The following HS6ST2 variants were observed in gnomAD, a reference collection of about 807,000 sequenced individuals.
The protein encoded by HS6ST2 is heparan sulfate 6-O-sulfotransferase 2.
Under a neutral mutation model 33.0 loss-of-function variants are expected in HS6ST2, and 17 were observed. The ratio of observed to expected loss-of-function variants is 0.52; its 90% CI spans 0.35 to 0.77. The LOEUF is 0.77. Among genes scored for constraint, HS6ST2 ranks in the 30% least tolerant of loss-of-function variants. HS6ST2 has a pLI of 0.01. For missense variants in HS6ST2, 519 were observed against 551.7 expected (o/e 0.94, Z 0.59); for synonymous variants, 248 against 237.1 (o/e 1.05, Z -0.42).
chrX:132,707,421 A>C (rs901144918), intron 3 of HS6ST2, among the ~76,000 whole-genome samples: 6 of 112,660 alleles, frequency 5.3e-5, no homozygotes, highest in African/African-American at 1.6e-4. Flanking sequence ...TACTATTCTC[A>C]GCTGTCAAGT....
At chrX:132,823,202 G>A (rs2065477341) in intron 2 of HS6ST2, among the ~76,000 whole-genome samples, 1 of 112,103 alleles carries the variant, frequency 8.9e-6, no homozygotes, top group Admixed American at 9.4e-5. Context: ...AAATCTCATG[G>A]GGACTAACCT....
At chrX:132,860,119 G>A (rs750737599) in intron 2 of HS6ST2, among the ~76,000 whole-genome samples, 5 of 111,811 alleles carry the variant, frequency 4.5e-5, no homozygotes, top group East Asian at 5.7e-4. Context: ...TGGGGGACAC[G>A]GTGGGTAATT....
intron 2 of HS6ST2, among the ~76,000 whole-genome samples, chrX:132,777,547 C>T (rs2064974294): frequency 9.1e-6 from 1 of 109,468 alleles, no homozygotes; most frequent in Non-Finnish European, 1.9e-5. Flanking sequence ...TCTCCTGCCT[C>T]AGCCTCCCGA....
At chrX:132,798,519 C>T (rs2148350824) in intron 2 of HS6ST2, among the ~76,000 whole-genome samples, 1 of 111,637 alleles carries the variant, frequency 9.0e-6, no homozygotes, top group East Asian at 2.8e-4. Context: ...ATTCAGGCTT[C>T]ACAGCACACT....
chrX:132,787,242 T>C (rs1241757682), intron 2 of HS6ST2, among the ~76,000 whole-genome samples: 1 of 88,197 alleles, frequency 1.1e-5, no homozygotes, highest in Non-Finnish European at 2.1e-5. Context: ...TATATATACA[T>C]ATATGTATAT....
chrX:132,887,622 A>G (rs1007546322), intron 2 of HS6ST2, among the ~76,000 whole-genome samples: 15 of 112,300 alleles, frequency 1.3e-4, no homozygotes, highest in Admixed American at 4.7e-4. Context: ...CACACTTACC[A>G]TATAACCCAG....
chrX:132,682,047 T>C (rs759997383), intron 3 of HS6ST2, among the ~76,000 whole-genome samples: 1 of 112,221 alleles, frequency 8.9e-6, no homozygotes, highest in Non-Finnish European at 1.9e-5. Context: ...CAGAGAATGT[T>C]CTCAGTACTG....
rs149005381 is a variant in HS6ST2, at chrX:132,777,743, G to A, written c.948-69249C>T. Among the ~76,000 whole-genome samples the A allele has an allele frequency of 7.3e-3, 806 of 110,233 alleles. 7 individuals are homozygous for A. The highest frequency in any genetic ancestry group is 0.025 in the African/African-American group (753 of 30,236). On this transcript the variant is annotated intron_variant, in intron 2 of 4. Coordinates refer to ENST00000370833, the MANE Select transcript of HS6ST2 (RefSeq NM_001394073.1). ...ATTACAGGCCTGAGCCACCACACCC[G>A]GCCTAAATATCACTTTTAAAGAATG...
intron 2 of HS6ST2, among the ~76,000 whole-genome samples, chrX:132,722,884 C>CAAAAAAAAAAAAAAAAAAA (rs144182974): frequency 2.4e-5 from 2 of 82,278 alleles, no homozygotes; most frequent in African/African-American, 4.3e-5. Context: ...AATAAAAAAA[C>CAAAAAAAAAAAAAAAAAAA]AAAAAAAAAA....
chrX:132,707,406 A>G (rs944677846), intron 3 of HS6ST2, among the ~76,000 whole-genome samples: 2 of 112,709 alleles, frequency 1.8e-5, no homozygotes, highest in Non-Finnish European at 3.7e-5. Context: ...ATTAAACACT[A>G]AATTTACTAT....
chrX:132,916,820 CAA>C (rs1354207848), intron 2 of HS6ST2, among the ~76,000 whole-genome samples: 1 of 111,676 alleles, frequency 9.0e-6, no homozygotes, highest in Non-Finnish European at 1.9e-5. Context: ...TTGTGGGACT[CAA>C]ACTGAGCCAC....
At chrX:132,932,726 A>G (rs1235143033) in intron 2 of HS6ST2, among the ~76,000 whole-genome samples, 1 of 109,816 alleles carries the variant, frequency 9.1e-6, no homozygotes, top group East Asian at 2.8e-4. Flanking sequence ...TGTTGAAACT[A>G]ATGAAAACCA....
At chrX:132,751,037 A>G (rs985400725) in intron 2 of HS6ST2, among the ~76,000 whole-genome samples, 2 of 112,228 alleles carry the variant, frequency 1.8e-5, no homozygotes, top group Non-Finnish European at 3.8e-5. Context: ...AATCATAGAC[A>G]CATGTGGTCC....
At chrX:132,889,781 T>C (rs2066289259) in intron 2 of HS6ST2, among the ~76,000 whole-genome samples, 1 of 111,367 alleles carries the variant, frequency 9.0e-6, no homozygotes, top group African/African-American at 3.3e-5. Flanking sequence ...GCCACCATCA[T>C]TCTTTACAGA....
chrX:132,732,907 A>G (rs2064473869), intron 2 of HS6ST2, among the ~76,000 whole-genome samples: 1 of 111,954 alleles, frequency 8.9e-6, no homozygotes, highest in Non-Finnish European at 1.9e-5. Context: ...TTACATTTAA[A>G]GAGATCTCTG....
chrX:132,792,035 A>T (rs1314231138), intron 2 of HS6ST2, among the ~76,000 whole-genome samples: 2 of 112,524 alleles, frequency 1.8e-5, no homozygotes, highest in Non-Finnish European at 3.7e-5. Context: ...ATTACTTTGT[A>T]GCAGCTCCTT....
In HS6ST2 at chrX:132,865,413, T is replaced by C. The variant is rs776400061; in HGVS notation, c.947+91395A>G. ...CTGGGTTGGTTCCAAGTCTTTGCTA[T>C]TGTGAATAATGCCGCAATAAACATA... is the stretch of plus-strand genomic sequence containing the variant. On this transcript the variant is annotated intron_variant, in intron 2 of 4. Coordinates refer to ENST00000370833, the MANE Select transcript of HS6ST2 (RefSeq NM_001394073.1). Among the ~76,000 whole-genome samples the C allele has an allele frequency of 5.7e-4, 63 of 110,112 alleles. 1 individual carries two copies. The East Asian group carries it at 0.015, about 26-fold the overall frequency.
intron 2 of HS6ST2, among the ~76,000 whole-genome samples, chrX:132,755,777 T>C (rs1418369459): frequency 8.9e-6 from 1 of 112,035 alleles, no homozygotes; most frequent in Non-Finnish European, 1.9e-5. Flanking sequence ...ATCGCGCCTA[T>C]GAATAGACAC....
intron 2 of HS6ST2, among the ~76,000 whole-genome samples, chrX:132,799,553 G>C (rs971117955): frequency 1.8e-5 from 2 of 108,743 alleles, no homozygotes; most frequent in African/African-American, 6.7e-5. Context: ...TTTGTTTTTT[G>C]CATTTTTTGG....
Sources: allele counts gnomAD v4.1 joint callset (sites outside exome capture counted in the v4.1 genomes callset), GRCh38; gene constraint gnomAD v4.1.1; transcripts MANE v1.5; gene names NCBI Gene and HGNC (gene_info 2026-07-23, HGNC 2026-07-21).